GMEB1: variants seen among roughly 807,000 people sequenced by gnomAD.
GMEB1 encodes the protein glucocorticoid modulatory element-binding protein 1.
In GMEB1, 6 loss-of-function variants were observed where a neutral mutation model predicts 52.4. That is an observed-to-expected ratio of 0.11 (90% confidence interval 0.06 to 0.23). GMEB1 has a LOEUF of 0.23. GMEB1 is among the 10% of genes least tolerant of loss of function. The pLI is 1.00. For missense variants in GMEB1, 486 were observed against 685.6 expected (o/e 0.71, Z 3.25); for synonymous variants, 255 against 244.9 (o/e 1.04, Z -0.38).
intron 1 of GMEB1, among the ~76,000 whole-genome samples, chr1:28,674,218 A>G (rs1403408203): frequency 6.6e-6 from 1 of 151,732 alleles, no homozygotes; most frequent in Admixed American, 6.6e-5. Context: ...TGGTACCCAT[A>G]GTGCCAGCTA....
At chr1:28,669,984 C>G (rs1668807647) in intron 1 of GMEB1, among the ~76,000 whole-genome samples, 3 of 152,252 alleles carry the variant, frequency 2.0e-5, no homozygotes. Context: ...TGAGAGAAAT[C>G]TCAAAACCAC....
At chr1:28,676,852 G>C (rs1429858816) in intron 1 of GMEB1, among the ~76,000 whole-genome samples, 4 of 152,114 alleles carry the variant, frequency 2.6e-5, no homozygotes, top group Admixed American at 1.3e-4. Flanking sequence ...TGGAGTTCAA[G>C]ACCAGCCTGG....
chr1:28,708,726 A>G (rs992959359), intron 8 of GMEB1, among the ~76,000 whole-genome samples: 3 of 152,080 alleles, frequency 2.0e-5, no homozygotes, highest in Non-Finnish European at 4.4e-5. Flanking sequence ...CTGGGATTAC[A>G]GATGGGAGCC....
intron 8 of GMEB1, 51 bp downstream of exon 8, chr1:28,704,380 C>G (rs188973495): frequency 6.6e-7 from 1 of 1,515,248 alleles, no homozygotes; most frequent in Admixed American, 1.9e-5. Context: ...TACTCACCTC[C>G]GTAGGCAGGT....
At position 28,715,643 on chromosome 1, in the gene GMEB1, G is replaced by C. The variant is rs1235249101; in HGVS notation, c.*870G>C. ...AAAAAAGTGCTTTGGCAAGTATGGGGCAGGGAAATCATCTTACTTCCAGAG... is the reference window on the plus strand; with the variant it reads ...AAAAAAGTGCTTTGGCAAGTATGGGCCAGGGAAATCATCTTACTTCCAGAG... On this transcript the variant is annotated 3_prime_UTR_variant, in exon 10 of 10. Coordinates refer to ENST00000373816, the MANE Select transcript of GMEB1 (RefSeq NM_001319674.2). 1 of 152,270 alleles carries C rather than the reference G, an allele frequency of 6.6e-6. No homozygotes were observed. Among genetic ancestry groups the C allele is most frequent in the Admixed American group, 6.6e-5 (1 of 15,218 alleles). 9.4% of individuals were successfully genotyped at this position (152,270 alleles called of 1,614,324 possible).
chr1:28,671,477 G>A (rs1469696888), intron 1 of GMEB1, among the ~76,000 whole-genome samples: 1 of 152,172 alleles, frequency 6.6e-6, no homozygotes, highest in African/African-American at 2.4e-5. Flanking sequence ...CACTGTGGGA[G>A]GCCGAGACAG....
intron 8 of GMEB1, among the ~76,000 whole-genome samples, chr1:28,709,096 T>C (rs1163229966): frequency 2.7e-5 from 4 of 146,850 alleles, no homozygotes; most frequent in South Asian, 4.3e-4. Context: ...ATTGCACCAC[T>C]GCACTCCAGC....
At position 28,712,149 on chromosome 1, in the gene GMEB1, A is replaced by T. The variant is rs534446123; in HGVS notation, c.991+1507A>T. Among the ~76,000 whole-genome samples, 4 of 152,270 alleles carry T rather than the reference A, an allele frequency of 2.6e-5. No individual in the cohort carries two copies. In the East Asian group the frequency reaches 5.8e-4, roughly 22 times the overall value. ...ACAGAACTCAGAGAAGCAGTTACTC[A>T]ATGTTTATTGGGTTTATTATAAAGG... On this transcript the variant is annotated intron_variant, in intron 9 of 9. Coordinates refer to ENST00000373816, the MANE Select transcript of GMEB1 (RefSeq NM_001319674.2).
chr1:28,701,343 C>G (rs1277993513), intron 6 of GMEB1, among the ~76,000 whole-genome samples: 1 of 140,240 alleles, frequency 7.1e-6, no homozygotes, highest in Admixed American at 8.1e-5. Flanking sequence ...GATCTCGGCT[C>G]ACTGCAAGCT....
At chr1:28,693,787 T>C (rs536011686) in intron 5 of GMEB1, among the ~76,000 whole-genome samples, 1 of 152,232 alleles carries the variant, frequency 6.6e-6, no homozygotes, top group South Asian at 2.1e-4. Context: ...AAAAAAAGGA[T>C]AACATTTTTA....
intron 6 of GMEB1, among the ~76,000 whole-genome samples, chr1:28,698,544 G>A (rs1294247728): frequency 1.3e-5 from 2 of 151,618 alleles, no homozygotes; most frequent in African/African-American, 2.4e-5. Flanking sequence ...GTATGGTGGC[G>A]GGTGCCTGTA....
intron 1 of GMEB1, among the ~76,000 whole-genome samples, chr1:28,671,349 A>G (rs1282456259): frequency 1.3e-5 from 2 of 152,026 alleles, no homozygotes; most frequent in African/African-American, 4.8e-5. Flanking sequence ...AGCTCACTGC[A>G]AACTCGATCC....
chr1:28,691,312 GAA>G (rs908269183), intron 3 of GMEB1, among the ~76,000 whole-genome samples: 5 of 151,774 alleles, frequency 3.3e-5, no homozygotes, highest in African/African-American at 1.2e-4. Context: ...AAGAAAAAAA[GAA>G]AAAAACACCT....
At chr1:28,699,329 G>A (rs1184307427) in intron 6 of GMEB1, among the ~76,000 whole-genome samples, 1 of 152,178 alleles carries the variant, frequency 6.6e-6, no homozygotes, top group Non-Finnish European at 1.5e-5. Context: ...TGGATAAAAT[G>A]TATCTCAACT....
At chr1:28,702,801 C>G (rs1186270409) in intron 7 of GMEB1, among the ~76,000 whole-genome samples, 1 of 152,082 alleles carries the variant, frequency 6.6e-6, no homozygotes, top group African/African-American at 2.4e-5. Flanking sequence ...TCTGTAATTC[C>G]AGCACTTTGG....
intron 1 of GMEB1, among the ~76,000 whole-genome samples, chr1:28,673,476 C>T (rs1485044868): frequency 3.3e-5 from 5 of 150,748 alleles, no homozygotes; most frequent in East Asian, 2.0e-4. Context: ...AGGCTGGTCT[C>T]GAACCCCTGA....
chr1:28,683,451 C>A, intron 1 of GMEB1, 132 bp from the exon 2 acceptor site: 1 of 652,004 alleles, frequency 1.5e-6, no homozygotes, highest in Non-Finnish European at 2.6e-6. Flanking sequence ...TCTTGAACTC[C>A]CAACCTCAGG....
intron 8 of GMEB1, among the ~76,000 whole-genome samples, chr1:28,704,701 G>T (rs1041118205): frequency 6.6e-6 from 1 of 152,018 alleles, no homozygotes; most frequent in Non-Finnish European, 1.5e-5. Flanking sequence ...CGCCTCCTGG[G>T]TTTTAAGCAA....
rs532182960 is a variant in GMEB1 at position 28,669,062 on chromosome 1, G to A, written c.-31+223G>A. On this transcript the variant is annotated intron_variant, in intron 1 of 9. Coordinates refer to ENST00000373816, the MANE Select transcript of GMEB1 (RefSeq NM_001319674.2). Reference sequence around the variant, plus strand: ...GGGGGTGGGGGGACGCTGCCGCTGGGTCCGCCCGAGCCGCCGGGCCGCCCC... The same window carrying A: ...GGGGGTGGGGGGACGCTGCCGCTGGATCCGCCCGAGCCGCCGGGCCGCCCC... Among the ~76,000 whole-genome samples the A allele has an allele frequency of 3.1e-3, 448 of 146,808 alleles. 2 individuals carry two copies. Among genetic ancestry groups the A allele is most frequent in the African/African-American group, 0.01 (414 of 40,892 alleles).
Sources: gnomAD v4.1 joint callset for allele counts (sites outside exome capture counted in the v4.1 genomes callset) on GRCh38, gnomAD v4.1.1 for gene constraint, MANE v1.5 for transcripts, NCBI Gene and HGNC (gene_info 2026-07-23, HGNC 2026-07-21) for gene names.